The following NDUFAF6 variants were observed in gnomAD, a reference collection of about 807,000 sequenced individuals.
The protein encoded by NDUFAF6 is NADH:ubiquinone oxidoreductase complex assembly factor 6, also known as NADH dehydrogenase (ubiquinone) complex I, assembly factor 6.
NDUFAF6 carries 45 observed loss-of-function variants against 40.8 expected under a neutral mutation model. The ratio of observed to expected loss-of-function variants is 1.10; its 90% confidence interval spans 0.87 to 1.42. The LOEUF is 1.42. NDUFAF6 is among the 40% of genes most tolerant of loss of function. The pLI is 0.00. For missense variants in NDUFAF6, 435 were observed against 418.5 expected, an observed-to-expected ratio of 1.04 and a Z score of -0.34; for synonymous variants, 185 against 155.9, an observed-to-expected ratio of 1.19 and a Z score of -1.39.
chr8:94,966,475 T>C (rs993689196), intron 1 of NDUFAF6, among the ~76,000 whole-genome samples: 1 of 152,028 alleles, frequency 6.6e-6, no homozygotes, highest in Non-Finnish European at 1.5e-5. Context: ...GCGCCTGTGG[T>C]CCCAGCTACT....
intron 1 of NDUFAF6, among the ~76,000 whole-genome samples, chr8:94,962,110 A>G (rs1563751446): frequency 6.6e-6 from 1 of 152,226 alleles, no homozygotes; most frequent in Non-Finnish European, 1.5e-5. Flanking sequence ...TTCTAGGACA[A>G]CTGTGCTTTC....
intron 3 of NDUFAF6, 110 bp from the exon 4 acceptor site, chr8:95,041,460 T>C: frequency 1.3e-6 from 1 of 756,724 alleles, no homozygotes; most frequent in East Asian, 2.5e-5. Context: ...GGTGATGTTA[T>C]TACAAATGTT....
chr8:95,020,015 A>G (rs1273934859), upstream of NDUFAF6, among the ~76,000 whole-genome samples: 3 of 152,168 alleles, frequency 2.0e-5, no homozygotes, highest in Non-Finnish European at 4.4e-5. Context: ...TCTGGCCAAC[A>G]TGGTGAAACC....
chr8:95,064,065 G>GTTTTTTTTCT, intron 9 of NDUFAF6, among the ~76,000 whole-genome samples: 1 of 131,958 alleles, frequency 7.6e-6, no homozygotes, highest in Non-Finnish European at 1.6e-5. Flanking sequence ...TTTTTTTTTG[G>GTTTTTTTTCT]ATTTTTACTA....
At chr8:95,078,656 A>ATAT (rs1275855411), downstream of NDUFAF6, 2 of 61,218 alleles carry the variant, frequency 3.3e-5, no homozygotes, top group Non-Finnish European at 7.1e-5. Context: ...TGTTAAAAAA[A>ATAT]AAAAAAATAT....
chr8:94,917,184 G>A (rs1819198218), intron 1 of NDUFAF6, among the ~76,000 whole-genome samples: 1 of 151,146 alleles, frequency 6.6e-6, no homozygotes, highest in African/African-American at 2.4e-5. Context: ...AACAGTGTAC[G>A]TTAACGTAGA....
intron 4 of NDUFAF6, among the ~76,000 whole-genome samples, chr8:95,114,993 C>T (rs1044113174): frequency 2.6e-5 from 4 of 151,118 alleles, no homozygotes; most frequent in Non-Finnish European, 4.4e-5. Flanking sequence ...ACCTGGGAGG[C>T]GGAGGTTGCA....
chr8:94,952,038 C>A (rs1465838010), intron 2 of NDUFAF6, among the ~76,000 whole-genome samples: 1 of 152,250 alleles, frequency 6.6e-6, no homozygotes, highest in Non-Finnish European at 1.5e-5. Context: ...CTATAGTACC[C>A]ACTTCCAGGC....
intron 8 of NDUFAF6, among the ~76,000 whole-genome samples, chr8:95,053,925 C>CT (rs71273448): frequency 0.47 from 17,551 of 36,960 alleles, 7,618 homozygotes; most frequent in East Asian, 0.8. Flanking sequence ...CCGTGCCCGG[C>CT]TTTTTTTTTT....
chr8:94,981,018 A>G (rs1397051993), intron 2 of NDUFAF6: 4 of 456,152 alleles, frequency 8.8e-6, no homozygotes, highest in Middle Eastern at 6.5e-4. Context: ...CAGCACAAAG[A>G]GGCTCTTTCC....
intron 1 of NDUFAF6, among the ~76,000 whole-genome samples, chr8:95,026,090 G>T (rs958580081): frequency 6.7e-6 from 1 of 149,518 alleles, no homozygotes; most frequent in African/African-American, 2.5e-5. Flanking sequence ...AAGTAAAACC[G>T]TTTTTTTTTT....
chr8:95,103,801 T>C (rs1430292237), downstream of NDUFAF6, among the ~76,000 whole-genome samples: 3 of 152,162 alleles, frequency 2.0e-5, no homozygotes, highest in African/African-American at 4.8e-5. Flanking sequence ...GGAGAAGAAG[T>C]TGGAGTAGGG....
At chr8:94,911,730 A>ATC (rs574220971) in intron 1 of NDUFAF6, among the ~76,000 whole-genome samples, 36 of 152,244 alleles carry the variant, frequency 2.4e-4, no homozygotes, top group Non-Finnish European at 4.6e-4. Context: ...GCCAAAACAG[A>ATC]TGTCTAAAGT....
intron 9 of NDUFAF6, among the ~76,000 whole-genome samples, chr8:95,070,794 A>G (rs940059909): frequency 1.3e-5 from 2 of 152,322 alleles, no homozygotes; most frequent in African/African-American, 2.4e-5. Context: ...GTTCACTTCT[A>G]TGGGTCTTTG....
intron 2 of NDUFAF6, among the ~76,000 whole-genome samples, chr8:94,997,983 C>T (rs944101095): frequency 6.6e-6 from 1 of 152,106 alleles, no homozygotes; most frequent in Admixed American, 6.6e-5. Context: ...GAAATGCTGT[C>T]CAATCCCATC....
intron 2 of NDUFAF6, among the ~76,000 whole-genome samples, chr8:95,083,726 A>T (rs73697067): frequency 6.6e-6 from 1 of 152,296 alleles, no homozygotes; most frequent in African/African-American, 2.4e-5. Context: ...CTACTACCAC[A>T]GTCTCAAAGT....
chr8:94,979,085 C>A (rs953663988), intron 1 of NDUFAF6, among the ~76,000 whole-genome samples: 6 of 152,232 alleles, frequency 3.9e-5, no homozygotes, highest in Non-Finnish European at 5.9e-5. Flanking sequence ...CCTGTTTAAG[C>A]TCCCAGGTGA....
intron 1 of NDUFAF6, among the ~76,000 whole-genome samples, chr8:94,911,521 C>T (rs1475588894): frequency 6.6e-6 from 1 of 152,224 alleles, no homozygotes; most frequent in African/African-American, 2.4e-5. Flanking sequence ...CTCAACTTGG[C>T]CTTGGACTTC....
chr8:94,923,714 C>T (rs1193539672), intron 1 of NDUFAF6, among the ~76,000 whole-genome samples: 2 of 149,496 alleles, frequency 1.3e-5, no homozygotes, highest in Non-Finnish European at 3.0e-5. Context: ...GAGTCTCGCT[C>T]TGTCGCCCAG....
Sources: allele counts gnomAD v4.1 joint callset (sites outside exome capture counted in the v4.1 genomes callset), GRCh38; gene constraint gnomAD v4.1.1; transcripts MANE v1.5; gene names NCBI Gene and HGNC (gene_info 2026-07-23, HGNC 2026-07-21).